Variants in ABCC12 observed in about 807,000 individuals in gnomAD.
The protein encoded by ABCC12 is ATP binding cassette subfamily C member 12.
In ABCC12, 142 loss-of-function variants were observed where a neutral mutation model predicts 151.1. The ratio of observed to expected loss-of-function variants is 0.94; its 90% confidence interval spans 0.82 to 1.08. ABCC12 has a LOEUF of 1.08. Among genes scored for constraint, ABCC12 ranks in the 50% least tolerant of loss-of-function variants. The pLI, the probability that ABCC12 is intolerant of heterozygous loss-of-function variation, is 0.00. For synonymous variants in ABCC12, 645 were observed against 646.4 expected (o/e 1.00, Z 0.03); for missense variants, 1,638 against 1,691.1 (o/e 0.97, Z 0.55).
At chr16:48,094,547 T>C (rs1416109387) in intron 24 of ABCC12, among the ~76,000 whole-genome samples, 1 of 152,170 alleles carries the variant, frequency 6.6e-6, no homozygotes, top group Non-Finnish European at 1.5e-5. Flanking sequence ...ACCACTCCTG[T>C]CTGGTTCACT....
chr16:48,124,315 ACT>A, intron 11 of ABCC12, 31 bp from the exon 12 acceptor site: 1 of 1,603,092 alleles, frequency 6.2e-7, no homozygotes, highest in South Asian at 1.1e-5. Context: ...GGACACAGTC[ACT>A]CTCTCCCACT....
chr16:48,128,838 C>T, intron 10 of ABCC12, 101 bp from the exon 11 acceptor site: 1 of 1,314,082 alleles, frequency 7.6e-7, no homozygotes, highest in Non-Finnish European at 1.0e-6. Flanking sequence ...TTTGGCTATT[C>T]TAACCCACCA....
intron 4 of ABCC12, 133 bp downstream of exon 4, chr16:48,143,777 G>A: frequency 8.4e-7 from 1 of 1,185,506 alleles, no homozygotes; most frequent in Non-Finnish European, 1.1e-6. Flanking sequence ...CACCATGATT[G>A]TGAGGCCTCC....
At chr16:48,086,399 C>G (rs1003581450) in intron 28 of ABCC12, 4 of 226,296 alleles carry the variant, frequency 1.8e-5, no homozygotes, top group Non-Finnish European at 3.5e-5. Context: ...GGCTTGAGTT[C>G]AAGTCTCCAT....
intron 15 of ABCC12, among the ~76,000 whole-genome samples, chr16:48,112,345 C>T (rs886300635): frequency 3.9e-5 from 6 of 152,266 alleles, no homozygotes; most frequent in East Asian, 3.9e-4. Flanking sequence ...CCTGTAGTCC[C>T]GGCACTTTGG....
Position 48,088,532 on chromosome 16 carries a change from A to G in ABCC12, c.3475+13T>C, listed in dbSNP as rs755267558. On this transcript the variant is annotated intron_variant, in intron 26 of 30. Coordinates refer to ENST00000311303, the MANE Select transcript of ABCC12 (RefSeq NM_001393797.1). Reference sequence around the variant, plus strand: ...AACAACCCAAAAGAAACAAAAGCAGAGCTTGTCCTCACCGGAACCTGTTCT... The same window carrying G: ...AACAACCCAAAAGAAACAAAAGCAGGGCTTGTCCTCACCGGAACCTGTTCT... 4.3e-6 allele frequency: 7 copies of G among 1,611,272 alleles called. No homozygotes were observed. Among genetic ancestry groups the G allele is most frequent in the Non-Finnish European group, 5.9e-6 (7 of 1,178,472 alleles).
intron 13 of ABCC12, 148 bp from the exon 14 acceptor site, chr16:48,117,481 C>T: frequency 1.3e-6 from 1 of 742,320 alleles, no homozygotes; most frequent in Admixed American, 2.3e-5. Flanking sequence ...AGTCGCTCTG[C>T]CTTCAATGAC....
chr16:48,138,229 TTGGATAG>T lies in ABCC12; in HGVS notation c.971_977del (p.Thr324LysfsTer3). The T allele has an allele frequency of 6.2e-7, 1 of 1,606,262 alleles. No individual in the cohort carries two copies. The highest frequency in any genetic ancestry group is 2.2e-5 in the East Asian group (1 of 44,690). ...TTTAAGCAGCTACTCTTGTCCTACC[TTGGATAG>T]TGTTGGTAAAAGATTTCTCCCAGGC... On this transcript the variant is annotated frameshift_variant and splice_region_variant, in exon 8 of 31. Transcript: ENST00000311303. LOFTEE classifies it high-confidence loss of function.
chr16:48,112,061 A>T, intron 15 of ABCC12, 151 bp from the exon 16 acceptor site: 2 of 1,001,652 alleles, frequency 2.0e-6, no homozygotes, highest in Non-Finnish European at 1.4e-6. Context: ...GATATTTACC[A>T]CCCTCCCTGG....
Position 48,140,708 on chromosome 16 carries a change from C to A in ABCC12, c.636G>T (p.Leu212Phe). The part of the protein sequence containing the change: ...VFENLVSFKT[L>F]THISVGEVLN... Reference sequence around the variant, plus strand: ...TTACCTCGCCAACAGAGATGTGGGTCAATGTCTTGAAGGACACTAGGTTTT... The same window carrying A: ...TTACCTCGCCAACAGAGATGTGGGTAAATGTCTTGAAGGACACTAGGTTTT... The change falls in exon 6 of 31, where the codon TTG (leucine) becomes TTT (phenylalanine). Residue 212 changes from leucine to phenylalanine, a missense_variant. Coordinates refer to ENST00000311303, the MANE Select transcript of ABCC12 (RefSeq NM_001393797.1). 1.2e-6 allele frequency: 2 copies of A among 1,614,118 alleles called. No homozygotes were observed. The highest frequency in any genetic ancestry group is 2.2e-5 in the South Asian group (2 of 91,014).
intron 8 of ABCC12, 85 bp downstream of exon 8, chr16:48,138,143 G>A: frequency 1.4e-6 from 2 of 1,426,646 alleles, no homozygotes; most frequent in Non-Finnish European, 1.9e-6. Flanking sequence ...CTTCTGGAAT[G>A]CCTGGCCCTG....
At position 48,140,862 on chromosome 16, in the gene ABCC12, A is replaced by G; in HGVS notation, c.482T>C (p.Val161Ala). ...AAGGGCTATGCACAGTCCAATGCCAACCCAGACTTTCCCAGAGGTCCTCTC... is the reference window on the plus strand; with the variant it reads ...AAGGGCTATGCACAGTCCAATGCCAGCCCAGACTTTCCCAGAGGTCCTCTC... Reference protein sequence around the residue: ...QTERTSGKVWVGIGLCIALFA... With the variant: ...QTERTSGKVWAGIGLCIALFA... Residue 161 changes from valine to alanine, a missense_variant, in exon 6 of 31, where the codon GTT becomes GCT. Transcript: ENST00000311303. 6.2e-7 allele frequency: 1 copy of G among 1,614,164 alleles called. No individual in the cohort carries two copies. The highest frequency in any genetic ancestry group is 8.5e-7 in the Non-Finnish European group (1 of 1,180,032).
In ABCC12 at chr16:48,088,805, T is replaced by C. The variant is rs1962749665; in HGVS notation, c.3286-71A>G. ...TTCACTTATTTAACTAATTCATTCA[T>C]TGATTCACACAGTTTCAGGTACTGC... On this transcript the variant is annotated intron_variant, in intron 25 of 30. Transcript: ENST00000311303. 5.2e-6 allele frequency: 7 copies of C among 1,353,234 alleles called. No homozygotes were observed. The East Asian group carries it at 1.4e-4, about 28-fold the overall frequency. 83.8% of individuals were successfully genotyped at this position (1,353,234 alleles called of 1,614,324 possible).
chr16:48,124,383 C>A (rs186974887), intron 11 of ABCC12, 99 bp from the exon 12 acceptor site: 1 of 1,233,694 alleles, frequency 8.1e-7, no homozygotes, highest in Admixed American at 1.7e-5. Flanking sequence ...TCAGGCCAGG[C>A]GGAGAACAAG....
At chr16:48,141,423 G>A in intron 4 of ABCC12, 70 bp from the exon 5 acceptor site, 1 of 1,578,006 alleles carries the variant, frequency 6.3e-7, no homozygotes, top group Non-Finnish European at 8.6e-7. Context: ...ACGCTGTTGG[G>A]CATGCTCTTG....
intron 9 of ABCC12, 99 bp downstream of exon 9, chr16:48,133,588 T>C: frequency 7.1e-7 from 1 of 1,410,238 alleles, no homozygotes; most frequent in Non-Finnish European, 9.6e-7. Context: ...TGATTGGATG[T>C]TCCTAATGCC....
intron 24 of ABCC12, among the ~76,000 whole-genome samples, chr16:48,091,879 G>A (rs929028749): frequency 6.6e-6 from 1 of 152,164 alleles, no homozygotes; most frequent in African/African-American, 2.4e-5. Flanking sequence ...TTGGAGAGAG[G>A]ATCTTTGCAG....
At chr16:48,127,764 T>G (rs985900437) in intron 11 of ABCC12, among the ~76,000 whole-genome samples, 1 of 152,112 alleles carries the variant, frequency 6.6e-6, no homozygotes, top group Non-Finnish European at 1.5e-5. Context: ...AATGTGAAAT[T>G]AAGAACATAT....
chr16:48,141,100 A>T, intron 5 of ABCC12, 106 bp downstream of exon 5: 1 of 1,495,998 alleles, frequency 6.7e-7, no homozygotes, highest in Non-Finnish European at 9.0e-7. Flanking sequence ...GAGCGCAAAG[A>T]TAATGACAAT....
Sources: allele counts gnomAD v4.1 joint callset (sites outside exome capture counted in the v4.1 genomes callset), GRCh38; gene constraint gnomAD v4.1.1; transcripts MANE v1.5; gene names NCBI Gene and HGNC (gene_info 2026-07-23, HGNC 2026-07-21).